MTOR: variants seen among roughly 807,000 people sequenced by gnomAD.
The protein encoded by MTOR is serine/threonine-protein kinase mTOR.
A neutral mutation model predicts 319.8 loss-of-function variants in MTOR; 70 were observed. The observed-to-expected ratio is 0.22, with a 90% confidence interval of 0.18 to 0.27. MTOR has a LOEUF of 0.27. Ranked by LOEUF, MTOR falls within the 10% of genes least tolerant of loss-of-function variation. The probability of loss-of-function intolerance (pLI) is 1.00; values close to 1 mark genes in which losing one functional copy is unlikely to be tolerated. For missense variants in MTOR, 1,890 were observed against 3,274.4 expected, an observed-to-expected ratio of 0.58 and a Z score of 10.32; for synonymous variants, 1,183 against 1,211.4, an observed-to-expected ratio of 0.98 and a Z score of 0.49.
Position 11,212,107 on chromosome 1 carries a change from T to C in MTOR, c.3561+205A>G, listed in dbSNP as rs150273272. On this transcript the variant is annotated intron_variant, in intron 23 of 57. Transcript: ENST00000361445. The surrounding 1 kb of genome is among the most constrained non-coding windows in gnomAD (Gnocchi z 4.1). ...CTCTATGAGAGCAAGGACTTTATTC[T>C]GTTTACCGTGTTACCCCCAGAACGG... Among the ~76,000 whole-genome samples, 1 of 152,312 alleles carries C rather than the reference T, an allele frequency of 6.6e-6. No homozygotes were observed. The highest frequency in any genetic ancestry group is 1.5e-5 in the Non-Finnish European group (1 of 68,028).
intron 26 of MTOR, 123 bp downstream of exon 26, chr1:11,204,438 G>T: frequency 7.6e-7 from 1 of 1,312,084 alleles, no homozygotes; most frequent in Non-Finnish European, 1.0e-6. Context: ...CTCTTTCTTT[G>T]TATCCCACAA....
chr1:11,229,286 C>T lies in MTOR; in HGVS notation c.2780-368G>A, dbSNP rs189205749. ...ATAAAGTAAAGGGAATTAAATTAGG[C>T]AAACATCTGTTCAGCAGCTCCTTGG... On this transcript the variant is annotated intron_variant, in intron 18 of 57. Coordinates refer to ENST00000361445, the MANE Select transcript of MTOR (RefSeq NM_004958.4). 3.9e-5 allele frequency among the ~76,000 whole-genome samples: 6 copies of T among 152,278 alleles called. No individual in the cohort carries two copies. In the East Asian group the frequency reaches 1.2e-3, roughly 29 times the overall value.
At chr1:11,166,445 C>T (rs1368365086) in intron 29 of MTOR, among the ~76,000 whole-genome samples, 1 of 152,184 alleles carries the variant, frequency 6.6e-6, no homozygotes, top group East Asian at 1.9e-4. Flanking sequence ...AGGAGATGAA[C>T]AGACACTTCT....
intron 49 of MTOR, among the ~76,000 whole-genome samples, chr1:11,118,273 A>G (rs1274542522): frequency 1.1e-5 from 1 of 92,788 alleles, no homozygotes; most frequent in Non-Finnish European, 2.0e-5. Context: ...GTCTTGCTCT[A>G]TTGCCCAGGC....
At chr1:11,123,305 C>T (rs577611313) in intron 47 of MTOR, among the ~76,000 whole-genome samples, 2 of 152,072 alleles carry the variant, frequency 1.3e-5, no homozygotes, top group African/African-American at 2.4e-5. Context: ...TACCTAGGCT[C>T]GAGCACAGTT....
At chr1:11,248,705 T>C (rs6670821) in intron 6 of MTOR, among the ~76,000 whole-genome samples, 97,702 of 151,876 alleles carry the variant, frequency 0.64, 33,767 homozygotes, top group East Asian at 0.91. Flanking sequence ...CCTGGCTACT[T>C]GGGGGCTGAG....
rs543453314 is a variant in MTOR, at chr1:11,209,273, G to C, written c.3801+39C>G. On this transcript the variant is annotated intron_variant, in intron 25 of 57. Transcript: ENST00000361445. ...AAGTTTTGAGTAAGTGAGAAGAGCA[G>C]AGCTCTCCTTTCCCAGTCACCTGAA... 2.5e-6 allele frequency: 4 copies of C among 1,613,518 alleles called. No homozygotes were observed. The South Asian group carries it at 4.4e-5, about 18-fold the overall frequency.
rs1177854308 is a variant in MTOR at position 11,115,743 on chromosome 1, A to G, written c.7017-275T>C. ...CCACAAAGCCTAAAACGACCTATTA[A>G]CTGGTCCTTTACAGAAACAGTTTGC... On this transcript the variant is annotated intron_variant, in intron 50 of 57. Coordinates refer to ENST00000361445, the MANE Select transcript of MTOR (RefSeq NM_004958.4). This position sits in a 1 kb window ranked among gnomAD's most constrained non-coding sequence, Gnocchi z 4.5. The G allele has an allele frequency of 5.1e-6, 2 of 388,476 alleles. No individual in the cohort carries two copies. Among genetic ancestry groups the G allele is most frequent in the African/African-American group, 4.0e-5 (2 of 49,778 alleles). 24.1% of individuals were successfully genotyped at this position (388,476 alleles called of 1,614,324 possible).
intron 31 of MTOR, 54 bp from the exon 32 acceptor site, chr1:11,146,845 A>G: frequency 1.6e-6 from 2 of 1,262,868 alleles, no homozygotes; most frequent in Non-Finnish European, 2.3e-6. Context: ...GGTTGGGCTA[A>G]AGGCAGCATC....
At chr1:11,198,502 A>G (rs980718297) in intron 28 of MTOR, among the ~76,000 whole-genome samples, 1 of 152,202 alleles carries the variant, frequency 6.6e-6, no homozygotes, top group Non-Finnish European at 1.5e-5. Context: ...GCCACGGTGA[A>G]GGAACTTACT....
At chr1:11,111,480 C>CAAA in intron 54 of MTOR, 2 of 55,762 alleles carry the variant, frequency 3.6e-5, no homozygotes, top group South Asian at 7.8e-4. Context: ...GACTCTGTCT[C>CAAA]AAGAAAAAAA....
intron 29 of MTOR, among the ~76,000 whole-genome samples, chr1:11,164,254 G>C (rs1216132489): frequency 1.4e-5 from 2 of 147,416 alleles, no homozygotes; most frequent in Non-Finnish European, 3.0e-5. Context: ...AGAATTGCAT[G>C]AACCTGGGAG....
chr1:11,165,188 A>C lies in MTOR; in HGVS notation c.4329+2254T>G, dbSNP rs1644603486. ...AAGCATTCCCTTTGAAAACTGGCACAAGACAGGGATGCCCTCTCTCACCAC... is the reference window on the plus strand; with the variant it reads ...AAGCATTCCCTTTGAAAACTGGCACCAGACAGGGATGCCCTCTCTCACCAC... On this transcript the variant is annotated intron_variant, in intron 29 of 57. Coordinates refer to ENST00000361445, the MANE Select transcript of MTOR (RefSeq NM_004958.4). Among the ~76,000 whole-genome samples the C allele has an allele frequency of 2.0e-5, 3 of 152,224 alleles. No individual in the cohort carries two copies. The South Asian group carries it at 6.2e-4, about 32-fold the overall frequency.
Position 11,212,345 on chromosome 1 carries a change from C to G in MTOR, c.3528G>C (p.Thr1176=). Reference sequence around the variant, plus strand: ...CCAGCTGAAAAACAAGTGAAGACAGCGTGTCCATGGCTGTGGAGCGCAGTT... The same window carrying G: ...CCAGCTGAAAAACAAGTGAAGACAGGGTGTCCATGGCTGTGGAGCGCAGTT... ...SPELRSTAMD[T]LSSLVFQLGK... is the part of the protein sequence containing the mutation. The change falls in exon 23 of 58, where the codon ACG becomes ACC. Residue 1176 remains threonine, a synonymous_variant. Coordinates refer to ENST00000361445, the MANE Select transcript of MTOR (RefSeq NM_004958.4). The surrounding 1 kb of genome is among the most constrained non-coding windows in gnomAD (Gnocchi z 4.1). The G allele has an allele frequency of 6.2e-7, 1 of 1,613,976 alleles. No homozygotes were observed. The highest frequency in any genetic ancestry group is 8.5e-7 in the Non-Finnish European group (1 of 1,179,940).
chr1:11,168,760 T>C (rs1557797647), intron 28 of MTOR, among the ~76,000 whole-genome samples: 1 of 152,214 alleles, frequency 6.6e-6, no homozygotes, highest in Non-Finnish European at 1.5e-5. Flanking sequence ...TGCAGTTGGT[T>C]CATCAGAGGC....
At chr1:11,205,961 G>A (rs1646124768) in intron 25 of MTOR, among the ~76,000 whole-genome samples, 1 of 152,234 alleles carries the variant, frequency 6.6e-6, no homozygotes, top group Non-Finnish European at 1.5e-5. Flanking sequence ...ATACACTGGA[G>A]ATGTGCTGTT....
chr1:11,189,584 T>G, intron 28 of MTOR: 1 of 1,597,000 alleles, frequency 6.3e-7, no homozygotes, highest in Admixed American at 1.8e-5. Context: ...CAAAAGATGC[T>G]GAAAAAGCCT....
At position 11,114,719 on chromosome 1, in the gene MTOR, T is replaced by G. The variant is rs1642072285; in HGVS notation, c.7164+94A>C. 6.1e-6 allele frequency: 8 copies of G among 1,309,710 alleles called. No individual in the cohort carries two copies. The South Asian group carries it at 8.8e-5, about 14-fold the overall frequency. 81.1% of individuals were successfully genotyped at this position (1,309,710 alleles called of 1,614,324 possible). A position where few individuals can be genotyped will look rare whatever the true frequency, so the allele number is the denominator to read the frequency against. The stretch of plus-strand genomic sequence containing the variant: ...CTGCTACAAAAATCACAAAGGCACT[T>G]TGGAGAACTGATGGGCTCTAACAAG... On this transcript the variant is annotated intron_variant, in intron 52 of 57. Coordinates refer to ENST00000361445, the MANE Select transcript of MTOR (RefSeq NM_004958.4).
chr1:11,190,718 G>A (rs773462991), intron 28 of MTOR, among the ~76,000 whole-genome samples: 33 of 152,138 alleles, frequency 2.2e-4, no homozygotes, highest in Non-Finnish European at 4.0e-4. Flanking sequence ...ATGAATTTAC[G>A]GTTTAGAGAT....
Sources: allele counts gnomAD v4.1 joint callset (sites outside exome capture counted in the v4.1 genomes callset), GRCh38; gene constraint gnomAD v4.1.1; non-coding constraint Gnocchi (gnomAD v3.1); transcripts MANE v1.5; gene names NCBI Gene and HGNC (gene_info 2026-07-23, HGNC 2026-07-21).